The following SLC25A21 variants were observed in gnomAD, a reference collection of about 807,000 sequenced individuals.
SLC25A21 encodes the protein solute carrier family 25 member 21, also known as mitochondrial 2-oxodicarboxylate carrier.
In SLC25A21, 47 loss-of-function variants were observed where a neutral mutation model predicts 43.8. The ratio of observed to expected loss-of-function variants is 1.07; its 90% CI spans 0.85 to 1.37. The LOEUF is 1.37. Ranked by LOEUF, SLC25A21 falls within the 40% of genes most tolerant of loss-of-function variation. SLC25A21 has a pLI of 0.00. For missense variants in SLC25A21, 352 were observed against 350.2 expected (o/e 1.00, Z -0.04); for synonymous variants, 131 against 121.3 (o/e 1.08, Z -0.52).
intron 2 of SLC25A21, among the ~76,000 whole-genome samples, chr14:36,865,435 C>T (rs1018527199): frequency 6.6e-6 from 1 of 152,088 alleles, no homozygotes; most frequent in Non-Finnish European, 1.5e-5. Context: ...TGTGTTGTTT[C>T]TGGCTGTGGA....
At chr14:36,851,610 T>C (rs1033471669) in intron 2 of SLC25A21, among the ~76,000 whole-genome samples, 3 of 152,202 alleles carry the variant, frequency 2.0e-5, no homozygotes, top group African/African-American at 4.8e-5. Context: ...TGGCTGCTTA[T>C]AAAATAAATT....
intron 2 of SLC25A21, among the ~76,000 whole-genome samples, chr14:36,844,438 C>A (rs1220683005): frequency 6.6e-6 from 1 of 152,146 alleles, no homozygotes; most frequent in African/African-American, 2.4e-5. Flanking sequence ...AGGGGAGAAT[C>A]CAGCAAACCA....
intron 1 of SLC25A21, among the ~76,000 whole-genome samples, chr14:36,897,934 G>A (rs900298161): frequency 6.6e-6 from 1 of 152,208 alleles, no homozygotes; most frequent in African/African-American, 2.4e-5. Flanking sequence ...TGAGGTGTCG[G>A]TCTGACCCTA....
chr14:36,811,917 G>C (rs933597917), intron 3 of SLC25A21, among the ~76,000 whole-genome samples: 1 of 152,004 alleles, frequency 6.6e-6, no homozygotes, highest in African/African-American at 2.4e-5. Context: ...GGATGGAAAA[G>C]ATAGATAATA....
chr14:36,923,727 T>C (rs1200786012), intron 1 of SLC25A21, among the ~76,000 whole-genome samples: 1 of 152,102 alleles, frequency 6.6e-6, no homozygotes, highest in Non-Finnish European at 1.5e-5. Context: ...TTCAACCAAC[T>C]GCAGAGCAAA....
At chr14:36,982,549 C>T (rs550692292) in intron 1 of SLC25A21, among the ~76,000 whole-genome samples, 8 of 151,880 alleles carry the variant, frequency 5.3e-5, no homozygotes, top group East Asian at 1.9e-4. Context: ...TTGGCTGTAC[C>T]GGGTGCAGTA....
At chr14:36,990,667 A>G (rs1960243335) in intron 1 of SLC25A21, among the ~76,000 whole-genome samples, 1 of 152,184 alleles carries the variant, frequency 6.6e-6, no homozygotes, top group Non-Finnish European at 1.5e-5. Context: ...GCTTGAGTCC[A>G]GGAGTTCAAG....
chr14:37,013,718 G>A (rs1053530171), intron 1 of SLC25A21, among the ~76,000 whole-genome samples: 1 of 152,032 alleles, frequency 6.6e-6, no homozygotes, highest in Non-Finnish European at 1.5e-5. Flanking sequence ...GTAACAAATG[G>A]TGAGTAGGCC....
At chr14:36,839,383 C>A (rs1376039811) in intron 2 of SLC25A21, among the ~76,000 whole-genome samples, 1 of 152,164 alleles carries the variant, frequency 6.6e-6, no homozygotes, top group South Asian at 2.1e-4. Context: ...ATACCAGTTT[C>A]ATTTAAGTAA....
chr14:37,061,154 T>C (rs917553003), intron 1 of SLC25A21, among the ~76,000 whole-genome samples: 2 of 152,116 alleles, frequency 1.3e-5, no homozygotes, highest in Non-Finnish European at 2.9e-5. Context: ...CCATTGTAAA[T>C]AGGAAGAACA....
intron 2 of SLC25A21, among the ~76,000 whole-genome samples, chr14:36,832,115 A>G (rs1889060111): frequency 6.6e-6 from 1 of 152,158 alleles, no homozygotes; most frequent in Admixed American, 6.5e-5. Flanking sequence ...GGAAAACAGA[A>G]ATGGCCGGTT....
At chr14:37,166,171 C>A (rs888987450) in intron 1 of SLC25A21, among the ~76,000 whole-genome samples, 1 of 152,210 alleles carries the variant, frequency 6.6e-6, no homozygotes, top group Non-Finnish European at 1.5e-5. Context: ...TTCCTACTTG[C>A]TCTCATGTCC....
At chr14:37,047,475 G>C (rs537357044) in intron 1 of SLC25A21, among the ~76,000 whole-genome samples, 2 of 152,268 alleles carry the variant, frequency 1.3e-5, no homozygotes, top group Admixed American at 1.3e-4. Flanking sequence ...TCCATTTCCG[G>C]AACTTTGCTA....
chr14:36,993,055 T>C (rs1960297769), intron 1 of SLC25A21, among the ~76,000 whole-genome samples: 1 of 152,228 alleles, frequency 6.6e-6, no homozygotes, highest in Non-Finnish European at 1.5e-5. Flanking sequence ...GCTGGTATAC[T>C]GGAATGAGAG....
rs568144326 is a variant in SLC25A21, at chr14:36,925,943, T to C, written c.71-50939A>G. Among the ~76,000 whole-genome samples, 3 of 152,168 alleles carry C rather than the reference T, an allele frequency of 2.0e-5. No individual in the cohort carries two copies. The East Asian group carries it at 5.8e-4, about 29-fold the overall frequency. On this transcript the variant is annotated intron_variant, in intron 1 of 9. Coordinates refer to ENST00000331299, the MANE Select transcript of SLC25A21 (RefSeq NM_030631.4). ...GAAATAGACAAACCCACAAATACAG[T>C]TGTCAGCTGAAGACAGAAAATCAGT...
chr14:37,028,996 C>T (rs935331736), intron 1 of SLC25A21, among the ~76,000 whole-genome samples: 1 of 152,208 alleles, frequency 6.6e-6, no homozygotes, highest in African/African-American at 2.4e-5. Context: ...CTAACTAGTA[C>T]TTGCCAGCAC....
At chr14:37,108,704 AGTGTGTGT>A (rs56801840) in intron 1 of SLC25A21, among the ~76,000 whole-genome samples, 51,161 of 149,098 alleles carry the variant, frequency 0.34, 9,100 homozygotes, top group South Asian at 0.53. Context: ...AGTTTTGTTA[AGTGTGTGT>A]GTGTGTGTGT....
chr14:37,046,497 A>G (rs1366755839), intron 1 of SLC25A21, among the ~76,000 whole-genome samples: 2 of 152,200 alleles, frequency 1.3e-5, no homozygotes, highest in African/African-American at 4.8e-5. Flanking sequence ...TGTATTTAGA[A>G]TAAAAATTGA....
intron 1 of SLC25A21, among the ~76,000 whole-genome samples, chr14:37,112,761 A>G (rs556590951): frequency 1.3e-5 from 2 of 152,158 alleles, no homozygotes; most frequent in Admixed American, 6.6e-5. Context: ...CACCTTTACT[A>G]TTAGATGGGA....
Sources: gnomAD v4.1 joint callset for allele counts (sites outside exome capture counted in the v4.1 genomes callset) on GRCh38, gnomAD v4.1.1 for gene constraint, MANE v1.5 for transcripts, NCBI Gene and HGNC (gene_info 2026-07-23, HGNC 2026-07-21) for gene names.